The following CNFN variants were observed in gnomAD, a reference collection of about 807,000 sequenced individuals.
CNFN encodes cornefied envelope protein cornefilin.
Under a neutral mutation model 14.9 loss-of-function variants are expected in CNFN, and 10 were observed. The ratio of observed to expected loss-of-function variants is 0.67; its 90% CI spans 0.41 to 1.14. The LOEUF is 1.14. Among genes scored for constraint, CNFN ranks in the 50% most tolerant of loss-of-function variants. The pLI is 0.00. For synonymous variants in CNFN, 66 were observed against 60.0 expected (o/e 1.10, Z -0.46); for missense variants, 165 against 152.8 (o/e 1.08, Z -0.42).
intron 2 of CNFN, 48 bp downstream of exon 2, chr19:42,388,878 C>A (rs2039875982): frequency 3.5e-6 from 5 of 1,439,264 alleles, no homozygotes; most frequent in Non-Finnish European, 4.8e-6. Context: ...TGATTCCCCC[C>A]AAACCCATCT....
chr19:42,387,154 T>C lies in CNFN; in HGVS notation c.338A>G (p.Ter113=). The C allele has an allele frequency of 6.2e-7, 1 of 1,614,168 alleles. No individual in the cohort carries two copies. Among genetic ancestry groups the C allele is most frequent in the Non-Finnish European group, 8.5e-7 (1 of 1,180,004 alleles). ...GGACGGGGAAGACAGGGAACTTCCTTACTCTCGGATCTTCAGTTCCCGCGC... is the reference window on the plus strand; with the variant it reads ...GGACGGGGAAGACAGGGAACTTCCTCACTCTCGGATCTTCAGTTCCCGCGC... ...QMARELKIRE[*] is the part of the protein sequence containing the mutation. Residue 113 remains the stop codon, a stop_retained_variant, in exon 4 of 4, where the codon TAA becomes TGA. Transcript: ENST00000222032.
In CNFN at chr19:42,387,198, G is replaced by A. The variant is rs777747771; in HGVS notation, c.294C>T (p.Pro98=). Residue 98 remains proline, a synonymous_variant, in exon 4 of 4, where the codon CCC becomes CCT. Transcript: ENST00000222032. The part of the protein sequence containing the change: ...HDWAALTFCL[P]CALCQMAREL... ...CCCGCGCCATCTGGCAGAGGGCGCAGGGCAGACAAAAGGTGAGGGCCGCCC... is the reference window on the plus strand; with the variant it reads ...CCCGCGCCATCTGGCAGAGGGCGCAAGGCAGACAAAAGGTGAGGGCCGCCC... The A allele has an allele frequency of 3.7e-6, 6 of 1,614,202 alleles. No homozygotes were observed. The African/African-American group carries it at 6.7e-5, about 18-fold the overall frequency.
chr19:42,387,439 G>A lies in CNFN; in HGVS notation c.150C>T (p.Cys50=), dbSNP rs1249854504. ...CGTFAPLCLA[C]RISDDFGECC... Reference sequence around the variant, plus strand: ...ACTCGCCAAAGTCGTCGGAGATGCGGCAGGCAAGGCACAGAGGAGCAAAAG... The same window carrying A: ...ACTCGCCAAAGTCGTCGGAGATGCGACAGGCAAGGCACAGAGGAGCAAAAG... Residue 50 remains cysteine (C), a synonymous_variant, in exon 3 of 4, where the codon TGC becomes TGT. Transcript: ENST00000222032. 1.9e-6 allele frequency: 3 copies of A among 1,597,886 alleles called. No individual in the cohort carries two copies. The East Asian group carries it at 6.8e-5, about 36-fold the overall frequency.
rs1306587716 is a variant in CNFN, at chr19:42,387,255, A to G, written c.250-13T>C. ...GCCCGACGGAGCCCTAGAGGGTAGG[A>G]GAGAGCGGTCAGGAGCCCCGCGGTG... On this transcript the variant is annotated splice_polypyrimidine_tract_variant and intron_variant, in intron 3 of 3. Coordinates refer to ENST00000222032, the MANE Select transcript of CNFN (RefSeq NM_032488.4). 3 of 1,612,784 alleles carry G rather than the reference A, an allele frequency of 1.9e-6. No individual in the cohort carries two copies. Among genetic ancestry groups the G allele is most frequent in the East Asian group, 2.2e-5 (1 of 44,844 alleles).
chr19:42,388,943 C>A lies in CNFN; in HGVS notation c.95G>T (p.Cys32Phe). 6.2e-7 allele frequency: 1 copy of A among 1,613,316 alleles called. No homozygotes were observed. The highest frequency in any genetic ancestry group is 8.5e-7 in the Non-Finnish European group (1 of 1,179,650). ...SDWHTGLTDC[C>F]NDMPVCLCGT... is the part of the protein sequence containing the mutation. Reference sequence around the variant, plus strand: ...GCACTCACAGACAGGCATGTCGTTGCAGCAGTCCGTGAGACCTGTGTGCCA... The same window carrying A: ...GCACTCACAGACAGGCATGTCGTTGAAGCAGTCCGTGAGACCTGTGTGCCA... The change falls in exon 2 of 4, where the codon TGC becomes TTC. Residue 32 changes from cysteine (C) to phenylalanine (F), a missense_variant. Cys to Phe is a radical substitution (Grantham distance 205). Transcript: ENST00000222032.
intron 2 of CNFN, among the ~76,000 whole-genome samples, chr19:42,388,017 G>GAAAGAAAAAA (rs1157734167): frequency 7.1e-6 from 1 of 140,390 alleles, no homozygotes; most frequent in Admixed American, 7.0e-5. Context: ...AAAAACGAAA[G>GAAAGAAAAAA]AAAGAAAAAA....
chr19:42,387,308 CT>C, intron 3 of CNFN, 31 bp downstream of exon 3: 1 of 1,601,276 alleles, frequency 6.2e-7, no homozygotes, highest in Non-Finnish European at 8.5e-7. Context: ...CCCCAGCTCC[CT>C]GCTCCCGCGG....
At chr19:42,388,844 G>T in intron 2 of CNFN, 82 bp downstream of exon 2, 2 of 971,688 alleles carry the variant, frequency 2.1e-6, no homozygotes, top group African/African-American at 1.6e-5. Context: ...GGTGGGAGGA[G>T]GTTGGAGGTG....
intron 2 of CNFN, among the ~76,000 whole-genome samples, chr19:42,388,628 G>A (rs2039874073): frequency 6.6e-6 from 1 of 152,206 alleles, no homozygotes; most frequent in African/African-American, 2.4e-5. Context: ...CCACTGCACT[G>A]GGCCAGGAGC....
At chr19:42,387,797 T>A (rs1338233907) in intron 2 of CNFN, among the ~76,000 whole-genome samples, 1 of 147,256 alleles carries the variant, frequency 6.8e-6, no homozygotes, top group African/African-American at 2.5e-5. Context: ...CTACCCAACA[T>A]AGTGAAACCC....
intron 2 of CNFN, among the ~76,000 whole-genome samples, chr19:42,388,355 G>T (rs957049523): frequency 1.2e-4 from 18 of 146,560 alleles, no homozygotes; most frequent in African/African-American, 3.7e-4. Context: ...ACCACGCCCG[G>T]TTTTTTTTTT....
chr19:42,389,242 T>C (rs2039879795), intron 1 of CNFN, among the ~76,000 whole-genome samples: 1 of 152,228 alleles, frequency 6.6e-6, no homozygotes, highest in Non-Finnish European at 1.5e-5. Flanking sequence ...TGCTGGCTCC[T>C]GCACGTCTGG....
rs766333156 is a variant in CNFN at position 42,389,042 on chromosome 19, G to A, written c.-2-3C>T. ...ACTGGTCACAGGGTAGGACATAGCT[G>A]CAGAGGTGGGAGGGTAGGGGTCAGC... On this transcript the variant is annotated splice_region_variant and splice_polypyrimidine_tract_variant and intron_variant, in intron 1 of 3. Transcript: ENST00000222032. 8.1e-6 allele frequency: 13 copies of A among 1,607,540 alleles called. 1 individual carries two copies. The Admixed American group carries it at 1.5e-4, about 19-fold the overall frequency.
intron 1 of CNFN, chr19:42,389,404 C>A: frequency 1.7e-6 from 2 of 1,159,864 alleles, no homozygotes; most frequent in Non-Finnish European, 2.3e-6. Flanking sequence ...CAGGCGCCGT[C>A]TGTCTTCGAA....
intron 1 of CNFN, chr19:42,389,550 T>C (rs1181018070): frequency 3.1e-6 from 4 of 1,289,340 alleles, no homozygotes; most frequent in Non-Finnish European, 4.0e-6. Flanking sequence ...GGAGGTGGCG[T>C]TGGGGACGGC....
chr19:42,389,146 G>C, intron 1 of CNFN, 107 bp from the exon 2 acceptor site: 1 of 798,144 alleles, frequency 1.3e-6, no homozygotes, highest in East Asian at 2.7e-5. Flanking sequence ...GGGGCCGCCA[G>C]GCCGCCCACT....
At chr19:42,389,674 G>T in intron 1 of CNFN, 1 of 472,056 alleles carries the variant, frequency 2.1e-6, no homozygotes, top group South Asian at 1.7e-5. Flanking sequence ...AGGGGAGCTG[G>T]GGAGAAAGAG....
intron 2 of CNFN, among the ~76,000 whole-genome samples, chr19:42,388,005 A>ACAC (rs796158252): frequency 7.0e-6 from 1 of 143,682 alleles, no homozygotes; most frequent in African/African-American, 2.8e-5. Flanking sequence ...CAAAACAAAA[A>ACAC]AAAAAACGAA....
chr19:42,390,081 G>A (rs2039886949), intron 1 of CNFN, among the ~76,000 whole-genome samples, 159 bp downstream of exon 1: 1 of 152,236 alleles, frequency 6.6e-6, no homozygotes, highest in Non-Finnish European at 1.5e-5. Context: ...AGTTAAGAAG[G>A]ACAGATTTGG....
Sources: gnomAD v4.1 joint callset for allele counts (sites outside exome capture counted in the v4.1 genomes callset) on GRCh38, gnomAD v4.1.1 for gene constraint, MANE v1.5 for transcripts, NCBI Gene and HGNC (gene_info 2026-07-23, HGNC 2026-07-21) for gene names.